The following DYNC1I1 variants were observed in gnomAD, a reference collection of about 807,000 sequenced individuals.
DYNC1I1 encodes dynein cytoplasmic 1 intermediate chain 1, also known as cytoplasmic dynein 1 intermediate chain 1.
In DYNC1I1, 43 loss-of-function variants were observed where a neutral mutation model predicts 86.6. That is an observed-to-expected ratio of 0.50 (90% confidence interval 0.39 to 0.64). DYNC1I1 has a LOEUF of 0.64. Ranked by LOEUF, DYNC1I1 falls within the 30% of genes least tolerant of loss-of-function variation. The pLI is 0.00. For missense variants in DYNC1I1, 604 were observed against 788.8 expected (o/e 0.77, Z 2.81); for synonymous variants, 262 against 283.7 (o/e 0.92, Z 0.77).
At chr7:95,961,704 T>G (rs1376366485) in intron 6 of DYNC1I1, among the ~76,000 whole-genome samples, 1 of 152,270 alleles carries the variant, frequency 6.6e-6, no homozygotes, top group Non-Finnish European at 1.5e-5. Context: ...AATCTGGTTC[T>G]GTTTCCTTTC....
At chr7:96,096,197 G>A (rs1274662662) in intron 16 of DYNC1I1, among the ~76,000 whole-genome samples, 1 of 152,078 alleles carries the variant, frequency 6.6e-6, no homozygotes, top group African/African-American at 2.4e-5. Flanking sequence ...TGGACAGATA[G>A]TATTTGAGAA....
intron 1 of DYNC1I1, among the ~76,000 whole-genome samples, chr7:95,775,318 T>C (rs1283446998): frequency 2.0e-5 from 3 of 152,260 alleles, no homozygotes; most frequent in African/African-American, 7.2e-5. Flanking sequence ...TCTTATCTCA[T>C]TTTAATTCTT....
intron 5 of DYNC1I1, among the ~76,000 whole-genome samples, chr7:95,857,999 G>A (rs536078902): frequency 6.6e-6 from 1 of 152,154 alleles, no homozygotes; most frequent in Non-Finnish European, 1.5e-5. Flanking sequence ...TCTATGCCTG[G>A]TTTTCAATCC....
In DYNC1I1 at chr7:95,971,801, A is replaced by C. The variant is rs545354932; in HGVS notation, c.491-5711A>C. On this transcript the variant is annotated intron_variant, in intron 6 of 16. Coordinates refer to ENST00000447467, the MANE Select transcript of DYNC1I1 (RefSeq NM_001135556.2). Reference sequence around the variant, plus strand: ...CCATTCAATTCAAAGTCAAAGTGGTAATTGCTTTGTGCCTTCTGCTATGGG... The same window carrying C: ...CCATTCAATTCAAAGTCAAAGTGGTCATTGCTTTGTGCCTTCTGCTATGGG... Among the ~76,000 whole-genome samples the C allele has an allele frequency of 7.4e-4, 112 of 152,254 alleles. No homozygotes were observed. In the Middle Eastern group the frequency reaches 0.02, roughly 28 times the overall value.
At chr7:95,890,989 A>C (rs550511253) in intron 6 of DYNC1I1, among the ~76,000 whole-genome samples, 1 of 152,352 alleles carries the variant, frequency 6.6e-6, no homozygotes, top group African/African-American at 2.4e-5. Context: ...CCAGTACCTC[A>C]GAATGTGACT....
intron 6 of DYNC1I1, among the ~76,000 whole-genome samples, chr7:95,870,840 T>C (rs2116171158): frequency 6.6e-6 from 1 of 152,336 alleles, no homozygotes; most frequent in South Asian, 2.1e-4. Context: ...GAGATGTATT[T>C]TGAAAATAGG....
At chr7:95,919,785 G>A (rs1368853457) in intron 6 of DYNC1I1, among the ~76,000 whole-genome samples, 1 of 152,166 alleles carries the variant, frequency 6.6e-6, no homozygotes. Context: ...TTCTTAAAAA[G>A]TAATCTTTAG....
intron 5 of DYNC1I1, among the ~76,000 whole-genome samples, chr7:95,851,186 T>C (rs532326019): frequency 6.6e-6 from 1 of 152,246 alleles, no homozygotes; most frequent in Admixed American, 6.5e-5. Context: ...CCTCCAGCCT[T>C]GGCCTCCCAA....
intron 14 of DYNC1I1, among the ~76,000 whole-genome samples, chr7:96,047,220 C>A (rs1291897788): frequency 6.6e-6 from 1 of 152,080 alleles, no homozygotes; most frequent in Non-Finnish European, 1.5e-5. Flanking sequence ...TCCTAAAGTT[C>A]CCACCTTTTA....
chr7:96,022,804 G>A, intron 10 of DYNC1I1, among the ~76,000 whole-genome samples: 1 of 152,086 alleles, frequency 6.6e-6, no homozygotes, highest in South Asian at 2.1e-4. Flanking sequence ...GCTCAAGTGA[G>A]CTATGACTTG....
At chr7:95,999,669 G>A (rs1197208428) in intron 10 of DYNC1I1, among the ~76,000 whole-genome samples, 4 of 152,188 alleles carry the variant, frequency 2.6e-5, no homozygotes, top group Non-Finnish European at 2.9e-5. Flanking sequence ...GATGGTAACA[G>A]AGGAGGGAGT....
intron 6 of DYNC1I1, among the ~76,000 whole-genome samples, chr7:95,870,245 T>C (rs1023514555): frequency 2.6e-5 from 4 of 152,182 alleles, no homozygotes; most frequent in Non-Finnish European, 4.4e-5. Context: ...ATCGAAATCA[T>C]GTGAGGAGAA....
Position 95,996,093 on chromosome 7 carries a change from A to G in DYNC1I1, c.969+20A>G. On this transcript the variant is annotated intron_variant, in intron 10 of 16. Coordinates refer to ENST00000447467, the MANE Select transcript of DYNC1I1 (RefSeq NM_001135556.2). ...TGTCAGGTAGGAGTCAGCGTAGTAA[A>G]AATAACTTACATCTCCTGCTAGACC... 1 of 1,613,932 alleles carries G rather than the reference A, an allele frequency of 6.2e-7. No homozygotes were observed. Among genetic ancestry groups the G allele is most frequent in the Middle Eastern group, 1.7e-4 (1 of 6,058 alleles).
chr7:95,931,403 C>T (rs1209836317), intron 6 of DYNC1I1, among the ~76,000 whole-genome samples: 2 of 152,190 alleles, frequency 1.3e-5, no homozygotes, highest in Admixed American at 6.5e-5. Flanking sequence ...ACCCACTCGG[C>T]CTCTCAAAGT....
intron 13 of DYNC1I1, among the ~76,000 whole-genome samples, chr7:96,037,735 T>C (rs1172420468): frequency 2.0e-5 from 3 of 152,202 alleles, no homozygotes; most frequent in African/African-American, 7.2e-5. Context: ...ATATGCACTT[T>C]GGTTCAAAAG....
intron 2 of DYNC1I1, among the ~76,000 whole-genome samples, chr7:95,807,563 A>G (rs1337293666): frequency 1.3e-5 from 2 of 152,092 alleles, no homozygotes; most frequent in African/African-American, 4.8e-5. Context: ...AGCTGCTTAC[A>G]TATACCCTGA....
At chr7:95,915,962 C>T (rs960948469) in intron 6 of DYNC1I1, among the ~76,000 whole-genome samples, 8 of 152,168 alleles carry the variant, frequency 5.3e-5, no homozygotes, top group Non-Finnish European at 8.8e-5. Flanking sequence ...ATCTCCCCAA[C>T]CTGAAAAGAG....
At chr7:95,777,801 C>T (rs1326741468) in intron 1 of DYNC1I1, among the ~76,000 whole-genome samples, 1 of 152,130 alleles carries the variant, frequency 6.6e-6, no homozygotes, top group African/African-American at 2.4e-5. Flanking sequence ...GGTAACCGTT[C>T]CAGTGTGCTT....
chr7:96,050,884 A>G (rs1314996161), intron 14 of DYNC1I1, among the ~76,000 whole-genome samples: 2 of 152,116 alleles, frequency 1.3e-5, no homozygotes, highest in Non-Finnish European at 2.9e-5. Flanking sequence ...GTCCATTATG[A>G]TCCTTTAAAA....
Sources: gnomAD v4.1 joint callset for allele counts (sites outside exome capture counted in the v4.1 genomes callset) on GRCh38, gnomAD v4.1.1 for gene constraint, MANE v1.5 for transcripts, NCBI Gene and HGNC (gene_info 2026-07-23, HGNC 2026-07-21) for gene names.